WWOX: variants seen among roughly 807,000 people sequenced by gnomAD.
WWOX encodes WW domain-containing oxidoreductase.
In WWOX, 69 loss-of-function variants were observed where a neutral mutation model predicts 46.2. The ratio of observed to expected loss-of-function variants is 1.49; its 90% CI spans 1.23 to 1.82. The LOEUF is 1.82. Ranked by LOEUF, WWOX falls within the 40% of genes most tolerant of loss-of-function variation. The pLI is 0.00. For synonymous variants in WWOX, 359 were observed against 202.6 expected, an observed-to-expected ratio of 1.77 and a Z score of -6.56; for missense variants, 919 against 542.6, an observed-to-expected ratio of 1.69 and a Z score of -6.89.
At chr16:79,032,801 T>G (rs1262319660) in intron 8 of WWOX, among the ~76,000 whole-genome samples, 1 of 151,636 alleles carries the variant, frequency 6.6e-6, no homozygotes, top group East Asian at 1.9e-4. Flanking sequence ...GGGGTCCATG[T>G]GCAGGTTTGT....
chr16:78,436,554 T>G (rs2083340008), intron 8 of WWOX, among the ~76,000 whole-genome samples: 1 of 152,232 alleles, frequency 6.6e-6, no homozygotes. Context: ...TGGTAGTACT[T>G]TTTTAGCCAT....
intron 8 of WWOX, among the ~76,000 whole-genome samples, chr16:78,866,098 G>A (rs771401154): frequency 6.6e-6 from 1 of 152,148 alleles, no homozygotes; most frequent in Non-Finnish European, 1.5e-5. Flanking sequence ...GTTTTTTAGA[G>A]CAATGAAAAA....
intron 8 of WWOX, among the ~76,000 whole-genome samples, chr16:78,628,537 C>T (rs918910628): frequency 2.0e-5 from 3 of 152,176 alleles, no homozygotes; most frequent in Non-Finnish European, 2.9e-5. Flanking sequence ...ACTATATTTT[C>T]TTCCTTTTTT....
intron 5 of WWOX, among the ~76,000 whole-genome samples, chr16:78,181,653 C>T (rs2035536286): frequency 6.6e-6 from 1 of 152,050 alleles, no homozygotes; most frequent in African/African-American, 2.4e-5. Flanking sequence ...ACTGGGGTTA[C>T]TTAATACCAG....
chr16:78,190,448 C>G (rs2035849860), intron 5 of WWOX, among the ~76,000 whole-genome samples: 1 of 152,200 alleles, frequency 6.6e-6, no homozygotes, highest in Non-Finnish European at 1.5e-5. Context: ...GCAACCAAAT[C>G]AGTCCTATCC....
chr16:78,926,194 C>G (rs555520840), intron 8 of WWOX, among the ~76,000 whole-genome samples: 2 of 152,060 alleles, frequency 1.3e-5, no homozygotes, highest in African/African-American at 4.8e-5. Context: ...GGTAACATGG[C>G]AAAACCTTAC....
At chr16:78,217,306 C>T (rs965539579) in intron 5 of WWOX, among the ~76,000 whole-genome samples, 2 of 152,154 alleles carry the variant, frequency 1.3e-5, no homozygotes, top group Non-Finnish European at 2.9e-5. Context: ...CTGGCCAAAG[C>T]GAGGATAGCT....
At chr16:79,114,818 C>T (rs1405834970) in intron 8 of WWOX, among the ~76,000 whole-genome samples, 3 of 152,168 alleles carry the variant, frequency 2.0e-5, no homozygotes, top group Non-Finnish European at 2.9e-5. Context: ...GATCACTCAT[C>T]AAGGGGCCGT....
At chr16:78,740,870 C>T (rs1021853181) in intron 8 of WWOX, among the ~76,000 whole-genome samples, 1 of 152,100 alleles carries the variant, frequency 6.6e-6, no homozygotes, top group Admixed American at 6.5e-5. Context: ...TTGCCATTAT[C>T]ATCCTTTGTC....
intron 5 of WWOX, among the ~76,000 whole-genome samples, chr16:78,282,804 G>A (rs1206813714): frequency 2.6e-5 from 4 of 151,024 alleles, no homozygotes; most frequent in Non-Finnish European, 5.9e-5. Flanking sequence ...CTTGAACCTC[G>A]GAGGTGGAGG....
intron 8 of WWOX, among the ~76,000 whole-genome samples, chr16:79,128,368 A>T (rs1430274736): frequency 2.0e-5 from 3 of 146,976 alleles, no homozygotes; most frequent in Non-Finnish European, 2.9e-5. Flanking sequence ...AGAAGTGTGA[A>T]AAACAAAAAA....
intron 8 of WWOX, among the ~76,000 whole-genome samples, chr16:78,970,678 G>C (rs2046452113): frequency 6.6e-6 from 1 of 152,116 alleles, no homozygotes; most frequent in Non-Finnish European, 1.5e-5. Flanking sequence ...GAATTCATTT[G>C]AGGCCATAAT....
intron 8 of WWOX, among the ~76,000 whole-genome samples, chr16:78,434,231 G>T (rs534527939): frequency 1.3e-5 from 2 of 152,344 alleles, no homozygotes; most frequent in East Asian, 3.9e-4. Context: ...CTTAGGATCA[G>T]TGGCAGTGAA....
chr16:78,505,859 C>G (rs2085188393), intron 8 of WWOX, among the ~76,000 whole-genome samples: 1 of 152,192 alleles, frequency 6.6e-6, no homozygotes. Flanking sequence ...GAGAGGACTC[C>G]AGGGCCATGG....
chr16:78,411,937 G>T (rs370480445), intron 6 of WWOX, among the ~76,000 whole-genome samples: 2 of 152,202 alleles, frequency 1.3e-5, no homozygotes, highest in African/African-American at 4.8e-5. Flanking sequence ...ATCTGTTTCC[G>T]CCCGATTCCA....
chr16:78,961,289 A>C (rs1251162100), intron 8 of WWOX, among the ~76,000 whole-genome samples: 4 of 152,242 alleles, frequency 2.6e-5, no homozygotes, highest in Non-Finnish European at 4.4e-5. Context: ...ATATGAACTG[A>C]TGATTATATA....
chr16:78,111,007 T>C (rs74785573), intron 3 of WWOX, among the ~76,000 whole-genome samples: 4 of 138,278 alleles, frequency 2.9e-5, no homozygotes, highest in Non-Finnish European at 6.2e-5. Context: ...TGAGCAGGAA[T>C]TTTTTTTTTT....
chr16:78,107,891 C>A (rs960714992), intron 1 of WWOX, among the ~76,000 whole-genome samples: 1 of 151,990 alleles, frequency 6.6e-6, no homozygotes, highest in African/African-American at 2.4e-5. Flanking sequence ...TGGAATAAAA[C>A]CAAAACAAAT....
At chr16:78,689,345 C>A (rs556020749) in intron 8 of WWOX, among the ~76,000 whole-genome samples, 2 of 152,200 alleles carry the variant, frequency 1.3e-5, no homozygotes, top group Non-Finnish European at 2.9e-5. Flanking sequence ...CTAAACACCC[C>A]AGACATCATA....
Sources: allele counts gnomAD v4.1 joint callset (sites outside exome capture counted in the v4.1 genomes callset), GRCh38; gene constraint gnomAD v4.1.1; transcripts MANE v1.5; gene names NCBI Gene and HGNC (gene_info 2026-07-23, HGNC 2026-07-21).